The following GRID2 variants were observed in gnomAD, a reference collection of about 807,000 sequenced individuals.
GRID2 encodes glutamate receptor ionotropic, delta-2.
GRID2 carries 33 observed loss-of-function variants against 114.8 expected under a neutral mutation model. That is an observed-to-expected ratio of 0.29 (90% CI 0.22 to 0.38). The LOEUF (loss-of-function observed/expected upper bound fraction) is 0.38. Ranked by LOEUF, GRID2 falls within the 10% of genes least tolerant of loss-of-function variation. The pLI, the probability that GRID2 is intolerant of heterozygous loss-of-function variation, is 1.00. For synonymous variants in GRID2, 505 were observed against 449.9 expected, an observed-to-expected ratio of 1.12 and a Z score of -1.55; for missense variants, 1,184 against 1,257.7, an observed-to-expected ratio of 0.94 and a Z score of 0.89.
At chr4:92,805,823 T>C (rs1740383968) in intron 2 of GRID2, among the ~76,000 whole-genome samples, 1 of 151,922 alleles carries the variant, frequency 6.6e-6, no homozygotes, top group African/African-American at 2.4e-5. Flanking sequence ...AGTAATTTCC[T>C]CTTTTTGACA....
rs529303868 is a variant in GRID2 at position 92,480,032 on chromosome 4, T to G, written c.89-110099T>G. On this transcript the variant is annotated intron_variant, in intron 1 of 15. Coordinates refer to ENST00000282020, the MANE Select transcript of GRID2 (RefSeq NM_001510.4). ...TATTGCATAATGAGTATTATTATTA[T>G]TGTTATTTTGGAACATGTTTTCCCT... Among the ~76,000 whole-genome samples, 4 of 152,306 alleles carry G rather than the reference T, an allele frequency of 2.6e-5. No individual in the cohort carries two copies. The South Asian group carries it at 8.3e-4, about 32-fold the overall frequency.
At chr4:93,430,478 G>A (rs1353007125) in intron 10 of GRID2, among the ~76,000 whole-genome samples, 1 of 152,190 alleles carries the variant, frequency 6.6e-6, no homozygotes, top group Non-Finnish European at 1.5e-5. Context: ...ACTGCGCCCT[G>A]CCTATAAATA....
At chr4:92,600,069 T>TAG (rs1353337748) in intron 2 of GRID2, among the ~76,000 whole-genome samples, 1 of 134,678 alleles carries the variant, frequency 7.4e-6, no homozygotes, top group African/African-American at 2.7e-5. Flanking sequence ...TATATATATA[T>TAG]ATATATATAT....
chr4:92,456,647 T>C (rs1721231296), intron 1 of GRID2, among the ~76,000 whole-genome samples: 1 of 152,176 alleles, frequency 6.6e-6, no homozygotes, highest in African/African-American at 2.4e-5. Flanking sequence ...AAAGATCTAA[T>C]CTATGTATCA....
chr4:93,730,962 C>A (rs905526967), intron 14 of GRID2, among the ~76,000 whole-genome samples: 2 of 152,154 alleles, frequency 1.3e-5, no homozygotes, highest in Non-Finnish European at 2.9e-5. Context: ...GGCTGCACAC[C>A]AAGCCCGGCG....
chr4:93,628,254 G>A (rs1308249100), intron 14 of GRID2, among the ~76,000 whole-genome samples: 8 of 152,134 alleles, frequency 5.3e-5, no homozygotes, highest in African/African-American at 1.2e-4. Context: ...GAATCCGTCT[G>A]TAAAGCACTT....
At chr4:93,441,975 T>C (rs1320096595) in intron 10 of GRID2, among the ~76,000 whole-genome samples, 1 of 152,032 alleles carries the variant, frequency 6.6e-6, no homozygotes, top group African/African-American at 2.4e-5. Context: ...GTGTCTCTCC[T>C]ACTCATTTTA....
chr4:92,612,637 T>A (rs1729812009), intron 2 of GRID2, among the ~76,000 whole-genome samples: 1 of 151,548 alleles, frequency 6.6e-6, no homozygotes, highest in Non-Finnish European at 1.5e-5. Context: ...CAGAAAGATT[T>A]TTTTGGCTTT....
intron 3 of GRID2, among the ~76,000 whole-genome samples, chr4:93,093,957 A>C (rs146228324): frequency 9.8e-4 from 149 of 152,064 alleles, no homozygotes; most frequent in Non-Finnish European, 1.6e-3. Context: ...GTTTTGGTCT[A>C]CTCCAAGCTC....
intron 13 of GRID2, among the ~76,000 whole-genome samples, chr4:93,521,666 G>A (rs192127663): frequency 1.1e-3 from 174 of 152,098 alleles, no homozygotes; most frequent in African/African-American, 4.1e-3. Flanking sequence ...AGAGGATGTG[G>A]AGATTATGAG....
chr4:92,860,073 A>G (rs1369033832), intron 2 of GRID2, among the ~76,000 whole-genome samples: 1 of 152,146 alleles, frequency 6.6e-6, no homozygotes, highest in Non-Finnish European at 1.5e-5. Context: ...ATTTTATGCA[A>G]TACTTACAAC....
intron 1 of GRID2, among the ~76,000 whole-genome samples, chr4:92,336,465 C>T (rs1039461406): frequency 7.2e-5 from 11 of 152,140 alleles, no homozygotes; most frequent in African/African-American, 2.2e-4. Flanking sequence ...AAGAAGCAAT[C>T]GTTCCTCCAC....
intron 1 of GRID2, among the ~76,000 whole-genome samples, chr4:92,544,315 A>G (rs1726132216): frequency 6.6e-6 from 1 of 152,112 alleles, no homozygotes; most frequent in Non-Finnish European, 1.5e-5. Context: ...ATTTTATAAA[A>G]ATCTCTTTAC....
intron 2 of GRID2, among the ~76,000 whole-genome samples, chr4:92,983,464 G>A (rs1578672440): frequency 6.6e-6 from 1 of 151,938 alleles, no homozygotes; most frequent in East Asian, 1.9e-4. Flanking sequence ...TTTTGGTGAG[G>A]ACATATTCAA....
chr4:92,792,509 ACTCT>A (rs959406919), intron 2 of GRID2, among the ~76,000 whole-genome samples: 6 of 144,088 alleles, frequency 4.2e-5, no homozygotes, highest in Middle Eastern at 3.6e-3. Context: ...ACACACTGTC[ACTCT>A]CTCTCTCCCT....
At chr4:93,360,367 T>G (rs1446683913) in intron 8 of GRID2, among the ~76,000 whole-genome samples, 1 of 152,018 alleles carries the variant, frequency 6.6e-6, no homozygotes, top group Non-Finnish European at 1.5e-5. Context: ...GTTCATTTAT[T>G]TTAATTTTGT....
At chr4:92,378,438 G>T (rs1729458157) in intron 1 of GRID2, among the ~76,000 whole-genome samples, 1 of 151,696 alleles carries the variant, frequency 6.6e-6, no homozygotes, top group Non-Finnish European at 1.5e-5. Context: ...CCTCTCAATT[G>T]GTATGTCCTT....
At chr4:93,342,552 A>G (rs1341774033) in intron 8 of GRID2, among the ~76,000 whole-genome samples, 1 of 152,202 alleles carries the variant, frequency 6.6e-6, no homozygotes, top group Non-Finnish European at 1.5e-5. Context: ...CAAGTTTTTC[A>G]TTGATCACTT....
chr4:93,161,076 A>G (rs1049274148), intron 4 of GRID2, among the ~76,000 whole-genome samples: 5 of 151,898 alleles, frequency 3.3e-5, no homozygotes, highest in African/African-American at 1.2e-4. Flanking sequence ...TAGCGGTAGC[A>G]TATCATACAG....
Sources: allele counts gnomAD v4.1 joint callset (sites outside exome capture counted in the v4.1 genomes callset), GRCh38; gene constraint gnomAD v4.1.1; transcripts MANE v1.5; gene names NCBI Gene and HGNC (gene_info 2026-07-23, HGNC 2026-07-21).